BACE2: variants seen among roughly 807,000 people sequenced by gnomAD.
The protein encoded by BACE2 is beta-secretase 2, also known as 56 kDa aspartic-like protease.
BACE2 carries 17 observed loss-of-function variants against 46.2 expected under a neutral mutation model. That is an observed-to-expected ratio of 0.37 (90% CI 0.25 to 0.55). BACE2 has a LOEUF of 0.55. Ranked by LOEUF, BACE2 falls within the 20% of genes least tolerant of loss-of-function variation. The pLI is 0.82. For missense variants in BACE2, 595 were observed against 698.1 expected, an observed-to-expected ratio of 0.85 and a Z score of 1.66; for synonymous variants, 277 against 295.9, an observed-to-expected ratio of 0.94 and a Z score of 0.66.
chr21:41,221,924 C>A (rs1601282612), intron 1 of BACE2, among the ~76,000 whole-genome samples: 1 of 152,084 alleles, frequency 6.6e-6, no homozygotes, highest in South Asian at 2.1e-4. Flanking sequence ...CAGCAAAAAT[C>A]CCTGTCAGAG....
chr21:41,180,055 A>G (rs1985056852), intron 1 of BACE2: 1 of 284,070 alleles, frequency 3.5e-6, no homozygotes, highest in Non-Finnish European at 7.2e-6. Context: ...GCTGCCCTAC[A>G]GGCTGTGCGC....
chr21:41,276,288 G>T lies in BACE2; in HGVS notation c.*664G>T, dbSNP rs371845638. 2 of 152,334 alleles carry T rather than the reference G, an allele frequency of 1.3e-5. No homozygotes were observed. Among genetic ancestry groups the T allele is most frequent in the African/African-American group, 4.8e-5 (2 of 41,444 alleles). The allele number at this position is 152,334 out of a possible 1,614,324, so 9.4% of individuals were successfully genotyped here. The stretch of plus-strand genomic sequence containing the variant: ...TCTGAAGATGGAAGGCCTTTTGCCC[G>T]TTGAGGTAGAGGGGAAGGAAATCTC... On this transcript the variant is annotated 3_prime_UTR_variant, in exon 9 of 9. Coordinates refer to ENST00000330333, the MANE Select transcript of BACE2 (RefSeq NM_012105.5).
At chr21:41,256,896 G>A (rs1987800767) in intron 7 of BACE2, among the ~76,000 whole-genome samples, 1 of 152,204 alleles carries the variant, frequency 6.6e-6, no homozygotes, top group South Asian at 2.1e-4. Context: ...CAGTTGGACA[G>A]ACGTCTTCTG....
At chr21:41,243,292 T>C (rs1987359446) in intron 4 of BACE2, 84 bp from the exon 5 acceptor site, 1 of 1,178,522 alleles carries the variant, frequency 8.5e-7, no homozygotes, top group Non-Finnish European at 1.2e-6. Flanking sequence ...GAAGTTTCTC[T>C]TTACAAGTGC....
intron 1 of BACE2, chr21:41,183,654 G>T (rs1985233413): frequency 6.0e-6 from 1 of 167,144 alleles, no homozygotes; most frequent in South Asian, 2.1e-4. Context: ...ACTCAGTGGT[G>T]GAAATACCAA....
At chr21:41,233,240 T>C (rs1269974335) in intron 2 of BACE2, among the ~76,000 whole-genome samples, 1 of 152,248 alleles carries the variant, frequency 6.6e-6, no homozygotes, top group Non-Finnish European at 1.5e-5. Flanking sequence ...TCTCCTGTGT[T>C]CCAAGCTTTT....
At chr21:41,266,341 ATAG>A (rs1221678449) in intron 8 of BACE2, among the ~76,000 whole-genome samples, 1 of 152,090 alleles carries the variant, frequency 6.6e-6, no homozygotes, top group African/African-American at 2.4e-5. Context: ...CTGCTCTCTC[ATAG>A]TAGACTTTTT....
chr21:41,197,076 C>T (rs1985759279), intron 1 of BACE2, among the ~76,000 whole-genome samples: 1 of 152,126 alleles, frequency 6.6e-6, no homozygotes, highest in Non-Finnish European at 1.5e-5. Context: ...ATCCTCCCAC[C>T]TCAGCCTCCC....
At chr21:41,229,541 A>G (rs1426016777) in intron 2 of BACE2, among the ~76,000 whole-genome samples, 1 of 152,222 alleles carries the variant, frequency 6.6e-6, no homozygotes, top group Non-Finnish European at 1.5e-5. Flanking sequence ...CTCAATCCAC[A>G]CATCCTTTCG....
In BACE2 at chr21:41,179,301, G is replaced by T. The variant is rs1484466423; in HGVS notation, c.312+10726G>T. On this transcript the variant is annotated intron_variant, in intron 1 of 8. Transcript: ENST00000330333. ...AGGGAGTCCAGGGTGAGGATTGAGGGTGTCAGGGTGAGTGAGAGTGTCCAG... is the reference window on the plus strand; with the variant it reads ...AGGGAGTCCAGGGTGAGGATTGAGGTTGTCAGGGTGAGTGAGAGTGTCCAG... The T allele has an allele frequency of 5.4e-6, 7 of 1,305,716 alleles. No individual in the cohort carries two copies. In the South Asian group the frequency reaches 7.5e-5, roughly 14 times the overall value. 80.9% of individuals were successfully genotyped at this position (1,305,716 alleles called of 1,614,324 possible). A position where few individuals can be genotyped will look rare whatever the true frequency, so the allele number is the denominator to read the frequency against.
intron 7 of BACE2, among the ~76,000 whole-genome samples, chr21:41,251,913 C>G (rs543507099): frequency 1.3e-5 from 2 of 152,284 alleles, no homozygotes; most frequent in African/African-American, 4.8e-5. Flanking sequence ...CTGACTCCCT[C>G]TTTATCCTAC....
intron 8 of BACE2, among the ~76,000 whole-genome samples, chr21:41,268,233 A>C (rs936171906): frequency 1.3e-5 from 2 of 152,168 alleles, no homozygotes; most frequent in African/African-American, 4.8e-5. Flanking sequence ...TGGGGGGCAA[A>C]GAAGTTAAGT....
At chr21:41,219,351 A>C (rs541946901) in intron 1 of BACE2, among the ~76,000 whole-genome samples, 54 of 152,358 alleles carry the variant, frequency 3.5e-4, no homozygotes, top group African/African-American at 1.3e-3. Context: ...TGTATAGTAA[A>C]GATGAAAAGA....
At chr21:41,174,173 TCG>T (rs1195543376) in intron 1 of BACE2, among the ~76,000 whole-genome samples, 3 of 141,030 alleles carry the variant, frequency 2.1e-5, no homozygotes, top group Non-Finnish European at 4.6e-5. Context: ...TTAAACAGTC[TCG>T]CTCTGTTGCC....
At chr21:41,204,101 C>G (rs1286584887) in intron 1 of BACE2, among the ~76,000 whole-genome samples, 2 of 152,202 alleles carry the variant, frequency 1.3e-5, no homozygotes, top group East Asian at 3.9e-4. Flanking sequence ...ACTGTAGCCT[C>G]CGCCTCCCGG....
intron 8 of BACE2, among the ~76,000 whole-genome samples, chr21:41,264,551 A>G (rs1307882843): frequency 6.6e-6 from 1 of 152,072 alleles, no homozygotes; most frequent in African/African-American, 2.4e-5. Flanking sequence ...TAGAAGAAGA[A>G]AGGGAAGCAG....
chr21:41,171,096 C>G (rs2123481067), intron 1 of BACE2, among the ~76,000 whole-genome samples: 1 of 152,382 alleles, frequency 6.6e-6, no homozygotes, highest in South Asian at 2.1e-4. Flanking sequence ...GCCTCCTGAT[C>G]TCTTTGGTTT....
At chr21:41,248,921 T>C (rs1052317697) in intron 6 of BACE2, among the ~76,000 whole-genome samples, 3 of 152,218 alleles carry the variant, frequency 2.0e-5, no homozygotes, top group Non-Finnish European at 4.4e-5. Flanking sequence ...TCCCTCCTCC[T>C]TGGACTCTCC....
At chr21:41,233,919 G>C (rs9978837) in intron 2 of BACE2, among the ~76,000 whole-genome samples, 41,072 of 152,088 alleles carry the variant, frequency 0.27, 5,787 homozygotes, top group African/African-American at 0.35. Flanking sequence ...TGAGATGGCA[G>C]CATTGCACTC....
Sources: allele counts gnomAD v4.1 joint callset (sites outside exome capture counted in the v4.1 genomes callset), GRCh38; gene constraint gnomAD v4.1.1; transcripts MANE v1.5; gene names NCBI Gene and HGNC (gene_info 2026-07-23, HGNC 2026-07-21).